Variants in VEZT observed in about 807,000 individuals in gnomAD.
VEZT encodes vezatin.
In VEZT, 39 loss-of-function variants were observed where a neutral mutation model predicts 79.9. The observed-to-expected ratio is 0.49, with a 90% confidence interval of 0.38 to 0.64. The LOEUF is 0.64. VEZT is among the 30% of genes least tolerant of loss of function. VEZT has a pLI of 0.00. For missense variants in VEZT, 837 were observed against 893.1 expected, an observed-to-expected ratio of 0.94 and a Z score of 0.80; for synonymous variants, 325 against 327.6, an observed-to-expected ratio of 0.99 and a Z score of 0.09.
chr12:95,274,395 G>C (rs1347664037), intron 6 of VEZT, among the ~76,000 whole-genome samples: 3 of 152,196 alleles, frequency 2.0e-5, no homozygotes, highest in Non-Finnish European at 2.9e-5. Flanking sequence ...GAACCTGAAA[G>C]GCCGAGGTTG....
At chr12:95,263,993 T>C (rs1341435831) in intron 4 of VEZT, among the ~76,000 whole-genome samples, 1 of 152,226 alleles carries the variant, frequency 6.6e-6, no homozygotes, top group East Asian at 1.9e-4. Context: ...AAATTATTGA[T>C]GTCTTCTTCC....
intron 1 of VEZT, among the ~76,000 whole-genome samples, chr12:95,236,546 T>A (rs1304880982): frequency 6.6e-6 from 1 of 151,644 alleles, no homozygotes; most frequent in Non-Finnish European, 1.5e-5. Context: ...TAACCTTGTG[T>A]AACGTGAGGC....
At chr12:95,219,251 T>G (rs897586371) in intron 1 of VEZT, among the ~76,000 whole-genome samples, 5 of 152,194 alleles carry the variant, frequency 3.3e-5, no homozygotes, top group African/African-American at 1.2e-4. Flanking sequence ...TTTCTGAATA[T>G]AATAGTAATA....
intron 1 of VEZT, among the ~76,000 whole-genome samples, chr12:95,247,369 C>G (rs1163696710): frequency 6.6e-6 from 1 of 152,148 alleles, no homozygotes; most frequent in Non-Finnish European, 1.5e-5. Flanking sequence ...CATTGCAACA[C>G]ATTGAATGCA....
intron 1 of VEZT, among the ~76,000 whole-genome samples, chr12:95,222,225 AT>A (rs1383837512): frequency 1.3e-5 from 2 of 152,254 alleles, no homozygotes; most frequent in South Asian, 2.1e-4. Context: ...TGTTAAAAAA[AT>A]ATTTGCCTAC....
At chr12:95,290,251 C>T (rs1006162312) in intron 9 of VEZT, among the ~76,000 whole-genome samples, 19 of 152,146 alleles carry the variant, frequency 1.2e-4, no homozygotes, top group Non-Finnish European at 2.5e-4. Flanking sequence ...ATGCTTTCTT[C>T]ATCAAAATTT....
At chr12:95,288,568 A>C (rs2071621019) in intron 9 of VEZT, among the ~76,000 whole-genome samples, 3 of 152,152 alleles carry the variant, frequency 2.0e-5, no homozygotes, top group African/African-American at 7.2e-5. Flanking sequence ...TAGAATTTGC[A>C]TTGTTGCTAA....
chr12:95,300,836 T>C lies in VEZT; in HGVS notation c.*163T>C. The C allele has an allele frequency of 1.1e-6, 1 of 916,160 alleles. No individual in the cohort carries two copies. The highest frequency in any genetic ancestry group is 1.5e-6 in the Non-Finnish European group (1 of 680,814). 56.8% of individuals were successfully genotyped at this position (916,160 alleles called of 1,614,324 possible). A position where few individuals can be genotyped will look rare whatever the true frequency, so the allele number is the denominator to read the frequency against. ...GAATAACTGATCTGAAATTAGTAGT[T>C]ACCTGTAAATGGCAGATCTTTTAGG... On this transcript the variant is annotated 3_prime_UTR_variant, in exon 12 of 12. Coordinates refer to ENST00000436874, the MANE Select transcript of VEZT (RefSeq NM_017599.4).
intron 5 of VEZT, chr12:95,269,773 C>T (rs535979671): frequency 1.1e-4 from 30 of 263,878 alleles, no homozygotes; most frequent in African/African-American, 6.7e-4. Context: ...AGCCAGAATC[C>T]ATTGTTTCCC....
intron 1 of VEZT, among the ~76,000 whole-genome samples, chr12:95,240,860 T>C (rs901977692): frequency 2.0e-5 from 3 of 152,162 alleles, no homozygotes; most frequent in Admixed American, 2.0e-4. Flanking sequence ...CAATCTTTGA[T>C]TCCTTATACT....
At chr12:95,235,078 C>T (rs1205150898) in intron 1 of VEZT, among the ~76,000 whole-genome samples, 3 of 151,918 alleles carry the variant, frequency 2.0e-5, no homozygotes, top group Admixed American at 1.3e-4. Context: ...GACACGGCAA[C>T]CATCCGATTT....
intron 1 of VEZT, among the ~76,000 whole-genome samples, chr12:95,243,400 C>A (rs2061311670): frequency 6.6e-6 from 1 of 151,132 alleles, no homozygotes; most frequent in Non-Finnish European, 1.5e-5. Context: ...ACCCATCACT[C>A]AGCTTCAGCT....
intron 6 of VEZT, among the ~76,000 whole-genome samples, chr12:95,274,335 G>A (rs949485777): frequency 3.9e-5 from 6 of 152,008 alleles, no homozygotes; most frequent in Non-Finnish European, 8.8e-5. Flanking sequence ...GTGTGGTGGC[G>A]CATGCCTGTA....
At chr12:95,294,926 CT>C (rs540465246) in intron 10 of VEZT, among the ~76,000 whole-genome samples, 93 of 152,152 alleles carry the variant, frequency 6.1e-4, no homozygotes, top group African/African-American at 2.2e-3. Flanking sequence ...TTTATTTAAA[CT>C]TTTAGGTAGC....
rs566208920 is a variant in VEZT, at chr12:95,239,335, A to G, written c.37-12605A>G. Among the ~76,000 whole-genome samples, 6 of 152,326 alleles carry G rather than the reference A, an allele frequency of 3.9e-5. No individual in the cohort carries two copies. The South Asian group carries it at 8.3e-4, about 21-fold the overall frequency. ...GAGAAGTTAATGGCAGAGAACTGCT[A>G]AAGTAACTAGTGCCTGACACAGAGT... On this transcript the variant is annotated intron_variant, in intron 1 of 11. Coordinates refer to ENST00000436874, the MANE Select transcript of VEZT (RefSeq NM_017599.4).
At chr12:95,236,988 T>C (rs2060287620) in intron 1 of VEZT, among the ~76,000 whole-genome samples, 1 of 152,248 alleles carries the variant, frequency 6.6e-6, no homozygotes, top group Non-Finnish European at 1.5e-5. Flanking sequence ...TAGCCTATTT[T>C]GAGTTTTCTA....
intron 1 of VEZT, among the ~76,000 whole-genome samples, chr12:95,218,890 A>C (rs1333587084): frequency 5.9e-5 from 9 of 152,240 alleles, no homozygotes; most frequent in Admixed American, 5.9e-4. Context: ...TTACAGGGAA[A>C]GAGAACTGAT....
intron 1 of VEZT, among the ~76,000 whole-genome samples, chr12:95,249,112 G>A (rs2062127680): frequency 6.6e-6 from 1 of 152,104 alleles, no homozygotes; most frequent in Non-Finnish European, 1.5e-5. Context: ...TCTCACTACA[G>A]CAGCAAACTT....
intron 1 of VEZT, 144 bp downstream of exon 1, chr12:95,218,030 G>T: frequency 1.3e-6 from 1 of 755,444 alleles, no homozygotes; most frequent in Non-Finnish European, 2.0e-6. Context: ...CGATTTCAGG[G>T]CCTAGAGTCC....
Sources: allele counts gnomAD v4.1 joint callset (sites outside exome capture counted in the v4.1 genomes callset), GRCh38; gene constraint gnomAD v4.1.1; transcripts MANE v1.5; gene names NCBI Gene and HGNC (gene_info 2026-07-23, HGNC 2026-07-21).